DLG2: variants seen among roughly 807,000 people sequenced by gnomAD.
The protein encoded by DLG2 is disks large homolog 2.
DLG2 carries 45 observed loss-of-function variants against 132.5 expected under a neutral mutation model. The observed-to-expected ratio is 0.34, with a 90% confidence interval of 0.27 to 0.44. The LOEUF (loss-of-function observed/expected upper bound fraction) is 0.44, where lower values mean the gene tolerates loss of function less well. Among genes scored for constraint, DLG2 ranks in the 20% least tolerant of loss-of-function variants. The probability of loss-of-function intolerance (pLI) is 1.00; values close to 1 mark genes in which losing one functional copy is unlikely to be tolerated. For missense variants in DLG2, 1,045 were observed against 1,196.9 expected (o/e 0.87, Z 1.87); for synonymous variants, 424 against 419.6 (o/e 1.01, Z -0.13).
intron 6 of DLG2, among the ~76,000 whole-genome samples, chr11:84,995,287 C>T (rs1468375264): frequency 6.6e-6 from 1 of 152,086 alleles, no homozygotes; most frequent in Non-Finnish European, 1.5e-5. Context: ...AGGGAGGATA[C>T]CTCTGTGGGC....
At chr11:84,309,353 C>T (rs2098264765) in intron 7 of DLG2, among the ~76,000 whole-genome samples, 1 of 152,106 alleles carries the variant, frequency 6.6e-6, no homozygotes, top group East Asian at 1.9e-4. Context: ...AATTGCATGC[C>T]TCATAATTAT....
intron 5 of DLG2, among the ~76,000 whole-genome samples, chr11:85,146,133 G>T (rs1219957780): frequency 6.6e-6 from 1 of 151,934 alleles, no homozygotes; most frequent in Non-Finnish European, 1.5e-5. Context: ...GTAAGATCTG[G>T]GGAATTCCCT....
At chr11:85,471,932 C>T (rs954902058) in intron 3 of DLG2, among the ~76,000 whole-genome samples, 4 of 151,958 alleles carry the variant, frequency 2.6e-5, no homozygotes, top group Non-Finnish European at 5.9e-5. Flanking sequence ...AAAAAAGACC[C>T]ACAAGGAACC....
chr11:85,618,746 A>G (rs2081507548), intron 2 of DLG2, among the ~76,000 whole-genome samples: 2 of 152,234 alleles, frequency 1.3e-5, no homozygotes, highest in South Asian at 2.1e-4. Flanking sequence ...CACTGAATCT[A>G]AGAAAAAGTT....
chr11:83,543,826 G>A (rs1014637415), intron 19 of DLG2, among the ~76,000 whole-genome samples: 2 of 152,112 alleles, frequency 1.3e-5, no homozygotes, highest in African/African-American at 4.8e-5. Flanking sequence ...TAATGTAGCA[G>A]GCCTGAGACT....
chr11:84,545,578 C>G (rs886398250), intron 6 of DLG2: 1 of 369,884 alleles, frequency 2.7e-6, no homozygotes, highest in Admixed American at 3.0e-5. Flanking sequence ...TTGAAGTTTC[C>G]TAACTTCACA....
intron 6 of DLG2, among the ~76,000 whole-genome samples, chr11:84,627,646 C>T (rs1279834388): frequency 6.6e-6 from 1 of 152,138 alleles, no homozygotes; most frequent in Non-Finnish European, 1.5e-5. Context: ...TCTTGCATTG[C>T]CATAAATACC....
chr11:83,686,178 C>T (rs868448303), intron 18 of DLG2, among the ~76,000 whole-genome samples: 1 of 152,126 alleles, frequency 6.6e-6, no homozygotes, highest in African/African-American at 2.4e-5. Context: ...GACACCAACA[C>T]TCCTTGCTCA....
At position 83,608,733 on chromosome 11, in the gene DLG2, C is replaced by CAG. The variant is rs35163308; in HGVS notation, c.1940+24476_1940+24477dup. On this transcript the variant is annotated intron_variant, in intron 19 of 27. Coordinates refer to ENST00000376104, the MANE Select transcript of DLG2 (RefSeq NM_001142699.3). ...ACACACACACACACACGCACACACA[C>CAG]AGAGAGAGAGAGAGAGAAAGAGAGA... 3.6e-3 allele frequency among the ~76,000 whole-genome samples: 544 copies of CAG among 149,576 alleles called. 3 individuals carry two copies. The highest frequency in any genetic ancestry group is 0.011 in the African/African-American group (467 of 40,708).
chr11:84,491,967 T>C (rs965137804), intron 7 of DLG2, among the ~76,000 whole-genome samples: 4 of 152,254 alleles, frequency 2.6e-5, no homozygotes, highest in Admixed American at 6.5e-5. Flanking sequence ...TCCCATTGCA[T>C]TGTAGAGATT....
At chr11:84,201,392 G>T (rs2096590760) in intron 8 of DLG2, among the ~76,000 whole-genome samples, 1 of 152,132 alleles carries the variant, frequency 6.6e-6, no homozygotes, top group African/African-American at 2.4e-5. Flanking sequence ...CAAGCATCGT[G>T]CCCTGATATT....
At chr11:85,225,706 T>C (rs1288981397) in intron 4 of DLG2, among the ~76,000 whole-genome samples, 1 of 152,072 alleles carries the variant, frequency 6.6e-6, no homozygotes, top group East Asian at 1.9e-4. Context: ...ACCCAAAGCA[T>C]TCCAATGTTG....
At chr11:85,274,058 G>C (rs2077723097) in intron 4 of DLG2, among the ~76,000 whole-genome samples, 1 of 152,120 alleles carries the variant, frequency 6.6e-6, no homozygotes, top group South Asian at 2.1e-4. Flanking sequence ...TGAACCACGA[G>C]AACACTTGGA....
At position 83,944,210 on chromosome 11, in the gene DLG2, T is replaced by C. The variant is rs542862009; in HGVS notation, c.1341-13727A>G. Among the ~76,000 whole-genome samples, 10 of 152,366 alleles carry C rather than the reference T, an allele frequency of 6.6e-5. No individual in the cohort carries two copies. In the South Asian group the frequency reaches 2.1e-3, roughly 32 times the overall value. ...TTCCCTCACTGACAAAACACATTCTTAAGGCAACCATACATATGGCTTTCC... is the reference window on the plus strand; with the variant it reads ...TTCCCTCACTGACAAAACACATTCTCAAGGCAACCATACATATGGCTTTCC... On this transcript the variant is annotated intron_variant, in intron 14 of 27. Transcript: ENST00000376104.
intron 6 of DLG2, among the ~76,000 whole-genome samples, chr11:84,569,904 C>T (rs546121353): frequency 2.9e-4 from 44 of 152,154 alleles, no homozygotes; most frequent in Non-Finnish European, 5.0e-4. Flanking sequence ...ATCCACTTTA[C>T]TTAAGCTACC....
chr11:83,601,527 T>TTTTTTTTTTTTTTTA (rs2058554868), intron 19 of DLG2, among the ~76,000 whole-genome samples: 1 of 139,980 alleles, frequency 7.1e-6, no homozygotes. Context: ...TTTTTTTTTT[T>TTTTTTTTTTTTTTTA]TTTTGACAAG....
chr11:84,811,522 T>C (rs1275901254), intron 6 of DLG2, among the ~76,000 whole-genome samples: 4 of 152,062 alleles, frequency 2.6e-5, no homozygotes, highest in African/African-American at 9.7e-5. Context: ...ACATGGAAAA[T>C]AACATTAGGA....
At chr11:85,423,866 AG>A (rs1460443678) in intron 3 of DLG2, among the ~76,000 whole-genome samples, 1 of 152,194 alleles carries the variant, frequency 6.6e-6, no homozygotes, top group African/African-American at 2.4e-5. Context: ...CAGCTGCAAA[AG>A]CAAATATGGC....
chr11:85,068,488 G>A (rs981581906), intron 6 of DLG2, among the ~76,000 whole-genome samples: 1 of 152,080 alleles, frequency 6.6e-6, no homozygotes, highest in African/African-American at 2.4e-5. Flanking sequence ...AAAATCACAA[G>A]CATTCTTATA....
Sources: gnomAD v4.1 joint callset for allele counts (sites outside exome capture counted in the v4.1 genomes callset) on GRCh38, gnomAD v4.1.1 for gene constraint, MANE v1.5 for transcripts, NCBI Gene and HGNC (gene_info 2026-07-23, HGNC 2026-07-21) for gene names.